SND1: variants seen among roughly 807,000 people sequenced by gnomAD.
SND1 encodes staphylococcal nuclease domain-containing protein 1.
In SND1, 38 loss-of-function variants were observed where a neutral mutation model predicts 121.7. That is an observed-to-expected ratio of 0.31 (90% CI 0.24 to 0.41). SND1 has a LOEUF of 0.41. Ranked by LOEUF, SND1 falls within the 10% of genes least tolerant of loss-of-function variation. SND1 has a pLI of 1.00. For missense variants in SND1, 868 were observed against 1,184.6 expected, an observed-to-expected ratio of 0.73 and a Z score of 3.92; for synonymous variants, 401 against 447.4, an observed-to-expected ratio of 0.90 and a Z score of 1.31.
At chr7:128,032,818 T>TG (rs1792668444) in intron 16 of SND1, among the ~76,000 whole-genome samples, 1 of 152,100 alleles carries the variant, frequency 6.6e-6, no homozygotes, top group South Asian at 2.1e-4. Flanking sequence ...TCACCCCTCC[T>TG]GTGCTCTCAC....
intron 10 of SND1, among the ~76,000 whole-genome samples, chr7:127,745,658 G>A (rs1458479270): frequency 6.6e-6 from 1 of 152,214 alleles, no homozygotes; most frequent in Admixed American, 6.5e-5. Flanking sequence ...ATATGACTTT[G>A]TGTGAGGTTA....
chr7:127,823,630 A>G (rs1165558466), intron 11 of SND1, among the ~76,000 whole-genome samples: 5 of 152,200 alleles, frequency 3.3e-5, no homozygotes, highest in Admixed American at 6.5e-5. Flanking sequence ...TACCTGTCTA[A>G]CCATAAGTTT....
intron 16 of SND1, among the ~76,000 whole-genome samples, chr7:128,000,329 C>T (rs1188604393): frequency 6.6e-6 from 1 of 151,752 alleles, no homozygotes; most frequent in African/African-American, 2.4e-5. Flanking sequence ...TGGCCAACAC[C>T]CATACAGACT....
chr7:127,764,280 G>A (rs1797370497), intron 10 of SND1, among the ~76,000 whole-genome samples: 1 of 152,164 alleles, frequency 6.6e-6, no homozygotes, highest in Non-Finnish European at 1.5e-5. Context: ...TGCCATAGGA[G>A]CTATCACCTA....
intron 7 of SND1, among the ~76,000 whole-genome samples, chr7:127,703,539 C>G (rs1196747108): frequency 6.6e-6 from 1 of 152,192 alleles, no homozygotes; most frequent in Non-Finnish European, 1.5e-5. Context: ...TGGTGAAACC[C>G]TGTTTCTACT....
chr7:128,061,453 G>A (rs1344275492), intron 16 of SND1, among the ~76,000 whole-genome samples: 1 of 152,190 alleles, frequency 6.6e-6, no homozygotes, highest in East Asian at 1.9e-4. Flanking sequence ...GAAGCTGTGG[G>A]GTCAAGATGC....
At chr7:128,065,927 C>T (rs1793305741) in intron 16 of SND1, among the ~76,000 whole-genome samples, 1 of 152,252 alleles carries the variant, frequency 6.6e-6, no homozygotes, top group South Asian at 2.1e-4. Context: ...ATTCTAGCCA[C>T]ATCCCTGGCA....
Position 127,703,242 on chromosome 7 carries a change from G to A in SND1, c.759G>A (p.Glu253=), listed in dbSNP as rs142948809. 1.7e-5 allele frequency: 27 copies of A among 1,614,048 alleles called. No homozygotes were observed. The highest frequency in any genetic ancestry group is 2.2e-5 in the Non-Finnish European group (26 of 1,180,014). ...PFAAEAKFFT[E]SRLLQRDVQI... ...CTGCAGAAGCCAAATTTTTCACTGA[G>A]TCGCGACTGCTTCAGAGAGATGTTC... The change falls in exon 7 of 24, where the codon GAG becomes GAA. Residue 253 remains glutamate, a synonymous_variant. Transcript: ENST00000354725.
intron 12 of SND1, among the ~76,000 whole-genome samples, chr7:127,883,405 T>A (rs149045235): frequency 7.2e-5 from 11 of 152,286 alleles, no homozygotes; most frequent in African/African-American, 2.2e-4. Context: ...ATATTGACAA[T>A]TGATAATTTG....
At chr7:127,892,685 A>G (rs1479276471) in intron 13 of SND1, among the ~76,000 whole-genome samples, 1 of 151,932 alleles carries the variant, frequency 6.6e-6, no homozygotes, top group African/African-American at 2.4e-5. Flanking sequence ...AGGTTTTGGC[A>G]TTTTCTCATA....
intron 12 of SND1, among the ~76,000 whole-genome samples, chr7:127,877,879 T>C (rs761661654): frequency 6.6e-6 from 1 of 152,102 alleles, no homozygotes; most frequent in Non-Finnish European, 1.5e-5. Flanking sequence ...TTATTAATAA[T>C]GAAGTTTCAA....
intron 12 of SND1, among the ~76,000 whole-genome samples, chr7:127,851,635 G>C (rs935654396): frequency 1.3e-5 from 2 of 152,116 alleles, no homozygotes; most frequent in African/African-American, 4.8e-5. Context: ...ATGTACTAAG[G>C]ACTGTGTTAG....
At chr7:127,658,303 A>C (rs1395967049) in intron 1 of SND1, among the ~76,000 whole-genome samples, 1 of 152,166 alleles carries the variant, frequency 6.6e-6, no homozygotes, top group Non-Finnish European at 1.5e-5. Flanking sequence ...TGACAGAGTG[A>C]GACTGTGTCT....
chr7:127,679,076 G>A (rs548308754), intron 1 of SND1: 126 of 152,288 alleles, frequency 8.3e-4, no homozygotes, highest in African/African-American at 3.0e-3. Context: ...TGACTTTCCT[G>A]GTTCTCCTTT....
chr7:128,023,714 C>G (rs530081864), intron 16 of SND1, among the ~76,000 whole-genome samples: 1 of 152,286 alleles, frequency 6.6e-6, no homozygotes, highest in Non-Finnish European at 1.5e-5. Context: ...ATAGGCATGT[C>G]TCTCTTTGGA....
chr7:127,990,189 C>G (rs1458049654), intron 15 of SND1, among the ~76,000 whole-genome samples: 1 of 152,154 alleles, frequency 6.6e-6, no homozygotes, highest in Non-Finnish European at 1.5e-5. Context: ...GTTCACACAG[C>G]AACCTTAAGA....
intron 1 of SND1, chr7:127,679,102 G>T (rs982850217): frequency 1.3e-5 from 2 of 152,250 alleles, no homozygotes; most frequent in Non-Finnish European, 2.9e-5. Flanking sequence ...TGACACACAG[G>T]ATGCTCGCTA....
intron 11 of SND1, among the ~76,000 whole-genome samples, chr7:127,826,295 G>C (rs767347435): frequency 6.6e-6 from 1 of 151,980 alleles, no homozygotes; most frequent in South Asian, 2.1e-4. Context: ...TATTCCATGA[G>C]TATATAATTT....
intron 10 of SND1, among the ~76,000 whole-genome samples, chr7:127,736,453 G>A (rs1195353492): frequency 2.0e-5 from 3 of 152,152 alleles, no homozygotes; most frequent in Non-Finnish European, 2.9e-5. Context: ...AATTTAACCA[G>A]CTTTCACCTA....
Sources: gnomAD v4.1 joint callset for allele counts (sites outside exome capture counted in the v4.1 genomes callset) on GRCh38, gnomAD v4.1.1 for gene constraint, MANE v1.5 for transcripts, NCBI Gene and HGNC (gene_info 2026-07-23, HGNC 2026-07-21) for gene names.